Variants in SLC24A2 observed in about 807,000 individuals in gnomAD.
SLC24A2 encodes the protein sodium/potassium/calcium exchanger 2.
SLC24A2 carries 36 observed loss-of-function variants against 62.0 expected under a neutral mutation model. The observed-to-expected ratio is 0.58, with a 90% CI of 0.44 to 0.77. The LOEUF (loss-of-function observed/expected upper bound fraction) is 0.77, where lower values mean the gene tolerates loss of function less well. Among genes scored for constraint, SLC24A2 ranks in the 30% least tolerant of loss-of-function variants. The probability of loss-of-function intolerance (pLI) is 0.00; values close to 1 mark genes in which losing one functional copy is unlikely to be tolerated. For missense variants in SLC24A2, 846 were observed against 817.9 expected (o/e 1.03, Z -0.42); for synonymous variants, 358 against 294.0 (o/e 1.22, Z -2.23).
At chr9:20,270,323 G>A in the SLC24A2 span, among the ~76,000 whole-genome samples, 1 of 152,132 alleles carries the variant, frequency 6.6e-6, no homozygotes, top group Non-Finnish European at 1.5e-5. Flanking sequence ...ACATAAAGGA[G>A]ATGTCTAGGC....
intron 2 of SLC24A2, among the ~76,000 whole-genome samples, chr9:19,750,215 A>G (rs1461811034): frequency 5.9e-5 from 9 of 152,174 alleles, no homozygotes; most frequent in Non-Finnish European, 1.2e-4. Context: ...CACTGGGAAT[A>G]CCAGAAAGGC....
rs542520310 is a variant in SLC24A2 at position 19,620,161 on chromosome 9, T to C, written c.970-469A>G. 1.2e-4 allele frequency among the ~76,000 whole-genome samples: 19 copies of C among 152,318 alleles called. No homozygotes were observed. The South Asian group carries it at 3.7e-3, about 30-fold the overall frequency. On this transcript the variant is annotated intron_variant, in intron 3 of 10. Transcript: ENST00000341998. ...TGGGTGGTCTCTAACATTTTTGAAG[T>C]ATGCATCCTATCAGTAAAATGTTTA...
chr9:19,863,013 A>G, the SLC24A2 span, among the ~76,000 whole-genome samples: 1 of 151,942 alleles, frequency 6.6e-6, no homozygotes, highest in South Asian at 2.1e-4. Context: ...AACACACTTC[A>G]CCTATAAAGA....
the SLC24A2 span, among the ~76,000 whole-genome samples, chr9:20,094,053 T>C: frequency 2.6e-5 from 4 of 152,208 alleles, no homozygotes; most frequent in African/African-American, 9.6e-5. Flanking sequence ...TTCATAATAC[T>C]AAGAGGTTAT....
chr9:20,009,224 G>T, the SLC24A2 span, among the ~76,000 whole-genome samples: 2 of 151,908 alleles, frequency 1.3e-5, 1 homozygote. Flanking sequence ...GTAACAGCAG[G>T]GCTATACCAC....
chr9:20,198,743 T>C, the SLC24A2 span, among the ~76,000 whole-genome samples: 3 of 149,744 alleles, frequency 2.0e-5, no homozygotes, highest in East Asian at 2.1e-4. Flanking sequence ...AATACCTAGA[T>C]ACTTAGTAGC....
At chr9:20,130,616 A>G in the SLC24A2 span, among the ~76,000 whole-genome samples, 3 of 152,260 alleles carry the variant, frequency 2.0e-5, no homozygotes, top group South Asian at 6.2e-4. Flanking sequence ...AGGAAATGGG[A>G]AATGAATCAG....
intron 2 of SLC24A2, among the ~76,000 whole-genome samples, chr9:19,750,038 C>T (rs535846865): frequency 1.2e-4 from 19 of 152,182 alleles, no homozygotes; most frequent in Non-Finnish European, 2.8e-4. Context: ...AGAGGAACTG[C>T]AGTTGCCCAT....
chr9:19,597,790 C>A (rs773875144), intron 4 of SLC24A2, among the ~76,000 whole-genome samples: 1 of 152,164 alleles, frequency 6.6e-6, no homozygotes, highest in Non-Finnish European at 1.5e-5. Context: ...TGAAAAACCA[C>A]GTTCTAAACT....
the SLC24A2 span, among the ~76,000 whole-genome samples, chr9:20,002,619 A>G: frequency 6.6e-6 from 1 of 152,182 alleles, no homozygotes; most frequent in African/African-American, 2.4e-5. Context: ...AGGCAATCAT[A>G]GTTGAGAGCT....
the SLC24A2 span, among the ~76,000 whole-genome samples, chr9:20,253,136 G>T: frequency 6.6e-6 from 1 of 152,212 alleles, no homozygotes; most frequent in East Asian, 1.9e-4. Flanking sequence ...CTGTTAGATA[G>T]TTAGGAGCCT....
At chr9:19,961,234 T>C in the SLC24A2 span, among the ~76,000 whole-genome samples, 1 of 149,128 alleles carries the variant, frequency 6.7e-6, no homozygotes, top group Non-Finnish European at 1.5e-5. Context: ...ATAATAATAA[T>C]AAAAAAAAAG....
intron 8 of SLC24A2, among the ~76,000 whole-genome samples, chr9:19,534,811 A>G (rs1425880804): frequency 6.6e-6 from 1 of 152,222 alleles, no homozygotes; most frequent in African/African-American, 2.4e-5. Flanking sequence ...TAGTGCCACA[A>G]TAAACATATG....
At chr9:19,888,585 T>C in the SLC24A2 span, among the ~76,000 whole-genome samples, 1 of 152,204 alleles carries the variant, frequency 6.6e-6, no homozygotes, top group East Asian at 1.9e-4. Context: ...CATTTATTTG[T>C]AGGCCTAAGA....
At chr9:19,771,119 C>T (rs1822673473) in intron 2 of SLC24A2, among the ~76,000 whole-genome samples, 1 of 152,106 alleles carries the variant, frequency 6.6e-6, no homozygotes, top group Non-Finnish European at 1.5e-5. Context: ...GCAGAGATGC[C>T]AATCCAAGGT....
chr9:19,832,805 C>T, the SLC24A2 span, among the ~76,000 whole-genome samples: 6 of 152,092 alleles, frequency 3.9e-5, no homozygotes, highest in Non-Finnish European at 8.8e-5. Flanking sequence ...GAACAGGCAA[C>T]CTACAGAATG....
chr9:19,533,840 T>C lies in SLC24A2; in HGVS notation c.1480-5702A>G, dbSNP rs141532350. On this transcript the variant is annotated intron_variant, in intron 8 of 10. Coordinates refer to ENST00000341998, the MANE Select transcript of SLC24A2 (RefSeq NM_020344.4). The stretch of plus-strand genomic sequence containing the variant: ...AAGGTCAAATCTAACAAAAATCTTC[T>C]AACTAAGCATGATCACTTACTGGAT... Among the ~76,000 whole-genome samples the C allele has an allele frequency of 1.5e-3, 234 of 152,340 alleles. 1 individual carries two copies. Among genetic ancestry groups the C allele is most frequent in the African/African-American group, 5.4e-3 (225 of 41,580 alleles).
chr9:20,261,960 G>A, the SLC24A2 span, among the ~76,000 whole-genome samples: 1 of 151,888 alleles, frequency 6.6e-6, no homozygotes, highest in African/African-American at 2.4e-5. Flanking sequence ...GGATGGTCTT[G>A]ATCTCCTGAC....
intron 6 of SLC24A2, among the ~76,000 whole-genome samples, chr9:19,576,180 C>G (rs1460975892): frequency 6.6e-6 from 1 of 152,166 alleles, no homozygotes; most frequent in Non-Finnish European, 1.5e-5. Flanking sequence ...TGAATTTTGT[C>G]TGCAGATAAT....
Sources: gnomAD v4.1 joint callset for allele counts (sites outside exome capture counted in the v4.1 genomes callset) on GRCh38, gnomAD v4.1.1 for gene constraint, MANE v1.5 for transcripts, NCBI Gene and HGNC (gene_info 2026-07-23, HGNC 2026-07-21) for gene names.